Variants in RIMS2 observed in about 807,000 individuals in gnomAD.
RIMS2 encodes regulating synaptic membrane exocytosis 2.
Under a neutral mutation model 174.4 loss-of-function variants are expected in RIMS2, and 59 were observed. The observed-to-expected ratio is 0.34, with a 90% confidence interval of 0.27 to 0.42. The LOEUF is 0.42. Among genes scored for constraint, RIMS2 ranks in the 10% least tolerant of loss-of-function variants. RIMS2 has a pLI of 1.00. For synonymous variants in RIMS2, 606 were observed against 572.5 expected, an observed-to-expected ratio of 1.06 and a Z score of -0.84; for missense variants, 1,620 against 1,666.3, an observed-to-expected ratio of 0.97 and a Z score of 0.48.
chr8:103,740,896 A>T (rs1465270454), intron 2 of RIMS2, among the ~76,000 whole-genome samples: 1 of 152,018 alleles, frequency 6.6e-6, no homozygotes. Context: ...TTGAATTTTT[A>T]TTTACATTTT....
At chr8:103,781,843 G>A (rs928915441) in intron 3 of RIMS2, among the ~76,000 whole-genome samples, 8 of 147,320 alleles carry the variant, frequency 5.4e-5, no homozygotes, top group African/African-American at 1.5e-4. Context: ...TGCCTCCCAG[G>A]TTCAAGCGAT....
At chr8:103,618,738 C>T (rs950094417) in intron 1 of RIMS2, among the ~76,000 whole-genome samples, 1 of 152,110 alleles carries the variant, frequency 6.6e-6, no homozygotes, top group Non-Finnish European at 1.5e-5. Flanking sequence ...TCACCCAGAT[C>T]ATTCAGTTCA....
chr8:104,119,172 C>T (rs1274961928), intron 19 of RIMS2, among the ~76,000 whole-genome samples: 1 of 151,136 alleles, frequency 6.6e-6, no homozygotes, highest in Non-Finnish European at 1.5e-5. Context: ...ATGGTAAACC[C>T]CGTCTCTACT....
At chr8:103,786,149 A>G (rs1368193319) in intron 3 of RIMS2, among the ~76,000 whole-genome samples, 1 of 151,682 alleles carries the variant, frequency 6.6e-6, no homozygotes, top group Non-Finnish European at 1.5e-5. Flanking sequence ...CGTCTATTTG[A>G]TTCTTCTCTC....
intron 3 of RIMS2, among the ~76,000 whole-genome samples, chr8:103,849,729 T>C (rs1027729448): frequency 6.6e-6 from 1 of 151,960 alleles, no homozygotes; most frequent in Non-Finnish European, 1.5e-5. Flanking sequence ...CCAACACTTA[T>C]AGCAGCTGCG....
At chr8:103,844,630 G>A (rs185112341) in intron 3 of RIMS2, among the ~76,000 whole-genome samples, 1 of 152,212 alleles carries the variant, frequency 6.6e-6, no homozygotes, top group Admixed American at 6.5e-5. Flanking sequence ...CACTTTGTTA[G>A]TAACTTTCTT....
rs151130219 is a variant in RIMS2, at chr8:103,759,664, C to A, written c.388-6563C>A. Among the ~76,000 whole-genome samples the A allele has an allele frequency of 1.3e-4, 19 of 151,740 alleles. No homozygotes were observed. The East Asian group carries it at 3.7e-3, about 29-fold the overall frequency. On this transcript the variant is annotated intron_variant, in intron 2 of 23. Transcript: ENST00000504942. Reference sequence around the variant, plus strand: ...GTCCTTTGTTCTAGTGTGGCATGAGCATAACTACATGTCCCAGACATGACA... The same window carrying A: ...GTCCTTTGTTCTAGTGTGGCATGAGAATAACTACATGTCCCAGACATGACA...
chr8:103,581,343 AC>A (rs1264584134), intron 1 of RIMS2, among the ~76,000 whole-genome samples: 1 of 152,212 alleles, frequency 6.6e-6, no homozygotes, highest in Non-Finnish European at 1.5e-5. Flanking sequence ...AATGAATAAT[AC>A]ATCACATTAA....
At chr8:103,874,423 G>A (rs1320792462) in intron 3 of RIMS2, among the ~76,000 whole-genome samples, 1 of 152,012 alleles carries the variant, frequency 6.6e-6, no homozygotes, top group Non-Finnish European at 1.5e-5. Context: ...AAGAGAAATA[G>A]ATGACAGAAA....
intron 19 of RIMS2, among the ~76,000 whole-genome samples, chr8:104,062,189 A>C (rs1345643463): frequency 1.3e-5 from 2 of 152,076 alleles, no homozygotes; most frequent in Admixed American, 1.3e-4. Flanking sequence ...GCAGATCATG[A>C]GGTCAAGAGA....
At chr8:104,016,131 A>G (rs1209661226) in intron 19 of RIMS2, among the ~76,000 whole-genome samples, 2 of 152,088 alleles carry the variant, frequency 1.3e-5, no homozygotes, top group Non-Finnish European at 1.5e-5. Flanking sequence ...TTAACTTTGT[A>G]TCTTTAAAAA....
At chr8:103,542,193 A>G (rs1476737212) in intron 1 of RIMS2, among the ~76,000 whole-genome samples, 4 of 152,154 alleles carry the variant, frequency 2.6e-5, no homozygotes, top group Admixed American at 1.3e-4. Context: ...AAAAGATCAT[A>G]AAAGTCTACT....
Position 103,697,244 on chromosome 8 carries a change from A to T in RIMS2, c.335A>T (p.Gln112Leu), listed in dbSNP as rs374348713. Residue 112 changes from glutamine (Q) to leucine (L), a missense_variant, in exon 2 of 24, where the codon CAA becomes CTA. This residue lies in a region of RIMS2 where 1,395 missense variants were observed against 1,360.1 expected (regional missense o/e 1.03). Coordinates refer to ENST00000504942, the Ensembl canonical transcript of RIMS2. ...TGTGGCCATAACTGTTCATATTGCCAAACAAAGTTCTGTGCTCGTTGTGGA... is the reference window on the plus strand; with the variant it reads ...TGTGGCCATAACTGTTCATATTGCCTAACAAAGTTCTGTGCTCGTTGTGGA... 8 of 1,613,740 alleles carry T rather than the reference A, an allele frequency of 5.0e-6. No homozygotes were observed. The African/African-American group carries it at 1.1e-4, about 22-fold the overall frequency.
intron 14 of RIMS2, among the ~76,000 whole-genome samples, chr8:103,950,819 A>G (rs1271483750): frequency 6.6e-6 from 1 of 152,234 alleles, no homozygotes; most frequent in African/African-American, 2.4e-5. Flanking sequence ...CAGATTGAAA[A>G]AGAAGTAAAA....
chr8:103,946,140 C>T (rs915274451), intron 14 of RIMS2, among the ~76,000 whole-genome samples: 1 of 152,120 alleles, frequency 6.6e-6, no homozygotes, highest in Non-Finnish European at 1.5e-5. Context: ...AGCAAGGTCC[C>T]GAGATACATG....
chr8:104,014,328 C>G (rs886252508), intron 18 of RIMS2, among the ~76,000 whole-genome samples, 178 bp from the exon 21 acceptor site: 5 of 152,298 alleles, frequency 3.3e-5, no homozygotes, highest in African/African-American at 1.2e-4. Flanking sequence ...CAAAAATAAA[C>G]ATCTTTTGCT....
intron 3 of RIMS2, among the ~76,000 whole-genome samples, chr8:103,846,264 G>A (rs1275714533): frequency 6.6e-6 from 1 of 151,292 alleles, no homozygotes; most frequent in Non-Finnish European, 1.5e-5. Flanking sequence ...AGAAAAAGAG[G>A]AGTATTGCCT....
intron 1 of RIMS2, among the ~76,000 whole-genome samples, chr8:103,685,832 T>G (rs2096934444): frequency 6.6e-6 from 1 of 152,164 alleles, no homozygotes; most frequent in Non-Finnish European, 1.5e-5. Context: ...TCACATAAAT[T>G]TTAGAGCTAG....
intron 19 of RIMS2, among the ~76,000 whole-genome samples, chr8:104,227,002 T>C (rs1028468744): frequency 2.6e-5 from 4 of 152,182 alleles, no homozygotes; most frequent in African/African-American, 9.6e-5. Flanking sequence ...CCACATTCCT[T>C]TAATTTCATG....
Sources: allele counts gnomAD v4.1 joint callset (sites outside exome capture counted in the v4.1 genomes callset), GRCh38; gene constraint gnomAD v4.1.1; regional missense constraint gnomAD v4.1.1; transcripts MANE v1.5; gene names NCBI Gene and HGNC (gene_info 2026-07-23, HGNC 2026-07-21).